The following RAB31 variants were observed in gnomAD, a reference collection of about 807,000 sequenced individuals.
RAB31 encodes the protein ras-related protein Rab-31.
RAB31 carries 21 observed loss-of-function variants against 25.6 expected under a neutral mutation model. The observed-to-expected ratio is 0.82, with a 90% CI of 0.58 to 1.18. The LOEUF is 1.18. Ranked by LOEUF, RAB31 falls within the 50% of genes most tolerant of loss-of-function variation. RAB31 has a pLI of 0.00. For synonymous variants in RAB31, 87 were observed against 84.0 expected (o/e 1.04, Z -0.20); for missense variants, 196 against 250.1 (o/e 0.78, Z 1.46).
intron 6 of RAB31, among the ~76,000 whole-genome samples, chr18:9,849,913 T>A (rs1024660322): frequency 7.2e-5 from 11 of 152,068 alleles, no homozygotes; most frequent in Admixed American, 2.6e-4. Flanking sequence ...CTGAAACAAT[T>A]GGAAGCCCCT....
At chr18:9,824,917 G>C (rs994616091) in intron 5 of RAB31, among the ~76,000 whole-genome samples, 11 of 152,202 alleles carry the variant, frequency 7.2e-5, no homozygotes, top group African/African-American at 2.7e-4. Flanking sequence ...TGAGAAGACT[G>C]TCCTGGACTT....
chr18:9,810,773 C>T (rs966658121), intron 3 of RAB31, among the ~76,000 whole-genome samples: 6 of 152,140 alleles, frequency 3.9e-5, no homozygotes, highest in African/African-American at 1.4e-4. Flanking sequence ...AGCTTGAGTC[C>T]ATGAATATCT....
At chr18:9,716,804 G>A (rs1213055549) in intron 1 of RAB31, among the ~76,000 whole-genome samples, 7 of 152,122 alleles carry the variant, frequency 4.6e-5, no homozygotes, top group Admixed American at 4.6e-4. Context: ...GAATGCAGTG[G>A]TGTGATCATA....
chr18:9,777,933 T>C (rs1478835619), intron 2 of RAB31, among the ~76,000 whole-genome samples: 1 of 151,894 alleles, frequency 6.6e-6, no homozygotes, highest in Non-Finnish European at 1.5e-5. Flanking sequence ...TTTTATACTT[T>C]TAATAGAGAT....
At chr18:9,764,791 T>C (rs1391572739) in intron 1 of RAB31, among the ~76,000 whole-genome samples, 1 of 152,188 alleles carries the variant, frequency 6.6e-6, no homozygotes, top group East Asian at 1.9e-4. Flanking sequence ...CAAGCTATGC[T>C]CATTAATGTC....
chr18:9,721,384 C>T (rs180742235), intron 1 of RAB31, among the ~76,000 whole-genome samples: 83 of 152,210 alleles, frequency 5.5e-4, no homozygotes, highest in African/African-American at 1.9e-3. Context: ...GAGGCCAAGG[C>T]AGGCAGATCA....
rs770321632 is a variant in RAB31, at chr18:9,721,603, G to A, written c.39+13159G>A. On this transcript the variant is annotated intron_variant, in intron 1 of 6. Coordinates refer to ENST00000578921, the MANE Select transcript of RAB31 (RefSeq NM_006868.4). The stretch of plus-strand genomic sequence containing the variant: ...TGCACTCCAACCTGGCTGACAGAGC[G>A]AGACTCCATCTAAAAAAAAAAAAAA... 3.6e-5 allele frequency among the ~76,000 whole-genome samples: 5 copies of A among 137,156 alleles called. 1 individual carries two copies. Among genetic ancestry groups the A allele is most frequent in the East Asian group, 4.4e-4 (2 of 4,582 alleles). 90.0% of individuals were successfully genotyped at this position (137,156 alleles called of 152,430 possible).
chr18:9,824,361 GGT>G (rs150197345), intron 5 of RAB31, among the ~76,000 whole-genome samples: 6,438 of 143,302 alleles, frequency 0.045, 185 homozygotes, highest in African/African-American at 0.098. Context: ...TGTGTGTATA[GGT>G]GTGTGTGTGT....
At chr18:9,821,033 G>A (rs932642302) in intron 5 of RAB31, among the ~76,000 whole-genome samples, 5 of 152,014 alleles carry the variant, frequency 3.3e-5, no homozygotes, top group Admixed American at 6.5e-5. Context: ...AAATTTTCCT[G>A]TAAGCACTGC....
chr18:9,801,114 C>T (rs2068511918), intron 3 of RAB31, among the ~76,000 whole-genome samples: 1 of 152,168 alleles, frequency 6.6e-6, no homozygotes, highest in Non-Finnish European at 1.5e-5. Context: ...CAAGGTTCAC[C>T]TTGTGGTGTG....
intron 6 of RAB31, among the ~76,000 whole-genome samples, chr18:9,858,070 T>C (rs2068828110): frequency 6.6e-6 from 1 of 152,130 alleles, no homozygotes. Context: ...TAGTGTTTCA[T>C]GCCTTTTTCA....
At chr18:9,720,537 G>C (rs1035163701) in intron 1 of RAB31, among the ~76,000 whole-genome samples, 2 of 152,114 alleles carry the variant, frequency 1.3e-5, no homozygotes, top group Non-Finnish European at 2.9e-5. Flanking sequence ...TGCGGAGGGG[G>C]CGTGTCTGGG....
At position 9,804,141 on chromosome 18, in the gene RAB31, CA is replaced by C. The variant is rs1469808476; in HGVS notation, c.202-9878del. Among the ~76,000 whole-genome samples, 3 of 152,238 alleles carry C rather than the reference CA, an allele frequency of 2.0e-5. No homozygotes were observed. In the East Asian group the frequency reaches 5.8e-4, roughly 29 times the overall value. ...CGTGGACAGGCTTCTTCTGCTTACA[CA>C]CGGGCTTCTGCCCTGCTCTTGCCCC... On this transcript the variant is annotated intron_variant, in intron 3 of 6. Transcript: ENST00000578921.
intron 3 of RAB31, among the ~76,000 whole-genome samples, chr18:9,807,535 G>A (rs369132329): frequency 6.6e-6 from 1 of 152,204 alleles, no homozygotes; most frequent in Non-Finnish European, 1.5e-5. Context: ...CCAACATGCA[G>A]GTACATGAGC....
chr18:9,833,414 C>CAG (rs1405340234), intron 5 of RAB31, among the ~76,000 whole-genome samples: 5 of 152,160 alleles, frequency 3.3e-5, no homozygotes, highest in African/African-American at 1.2e-4. Flanking sequence ...GGTTTGGGTC[C>CAG]AGAGTACCTG....
intron 1 of RAB31, among the ~76,000 whole-genome samples, chr18:9,734,102 A>AGGAGGAGGGAGGGAGGGAGGGAG (rs1453203026): frequency 2.0e-5 from 1 of 49,068 alleles, no homozygotes; most frequent in African/African-American, 1.1e-4. Context: ...GGTGGCGGGG[A>AGGAGGAGGGAGGGAGGGAGGGAG]GGAGGGAGGG....
chr18:9,809,298 G>C lies in RAB31; in HGVS notation c.202-4722G>C, dbSNP rs1239969359. 5.6e-5 allele frequency among the ~76,000 whole-genome samples: 6 copies of C among 107,368 alleles called. No homozygotes were observed. In the Admixed American group the frequency reaches 6.5e-4, roughly 12 times the overall value. 70.4% of individuals were successfully genotyped at this position (107,368 alleles called of 152,430 possible). Reference sequence around the variant, plus strand: ...CAAGCCAAGCCTCAGGACTCTCTTTGAGTCCAGTTCTCTTCACTTCCCCAA... The same window carrying C: ...CAAGCCAAGCCTCAGGACTCTCTTTCAGTCCAGTTCTCTTCACTTCCCCAA... On this transcript the variant is annotated intron_variant, in intron 3 of 6. Transcript: ENST00000578921.
rs60755218 is a variant in RAB31, at chr18:9,859,589, TAA to T, written c.*278_*279del. 375 of 207,240 alleles carry T rather than the reference TAA, an allele frequency of 1.8e-3. No individual in the cohort carries two copies. Among genetic ancestry groups the T allele is most frequent in the Middle Eastern group, 6.0e-3 (4 of 668 alleles). 12.8% of individuals were successfully genotyped at this position (207,240 alleles called of 1,614,324 possible). A position where few individuals can be genotyped will look rare whatever the true frequency, so the allele number is the denominator to read the frequency against. ...GGAGGGGATGTAGTTGCATTTTTGCTAAAAAAAAAAAAAAACCTTTAAAAATT... is the reference window on the plus strand; with the variant it reads ...GGAGGGGATGTAGTTGCATTTTTGCTAAAAAAAAAAAAACCTTTAAAAATT... On this transcript the variant is annotated 3_prime_UTR_variant, in exon 7 of 7. Coordinates refer to ENST00000578921, the MANE Select transcript of RAB31 (RefSeq NM_006868.4).
chr18:9,751,352 TA>T (rs1481897295), intron 1 of RAB31, among the ~76,000 whole-genome samples: 1 of 152,216 alleles, frequency 6.6e-6, no homozygotes, highest in Admixed American at 6.5e-5. Flanking sequence ...AGCTAGAATG[TA>T]AAAACAAACA....
Sources: gnomAD v4.1 joint callset for allele counts (sites outside exome capture counted in the v4.1 genomes callset) on GRCh38, gnomAD v4.1.1 for gene constraint, MANE v1.5 for transcripts, NCBI Gene and HGNC (gene_info 2026-07-23, HGNC 2026-07-21) for gene names.